Variants in PTPRD observed in about 807,000 individuals in gnomAD.
The protein encoded by PTPRD is protein tyrosine phosphatase receptor type D, also known as receptor-type tyrosine-protein phosphatase delta.
In PTPRD, 34 loss-of-function variants were observed where a neutral mutation model predicts 214.5. The ratio of observed to expected loss-of-function variants is 0.16; its 90% CI spans 0.12 to 0.21. The LOEUF is 0.21. Among genes scored for constraint, PTPRD ranks in the 10% least tolerant of loss-of-function variants. The pLI is 1.00. For missense variants in PTPRD, 2,545 were observed against 2,398.7 expected (o/e 1.06, Z -1.27); for synonymous variants, 1,128 against 845.7 (o/e 1.33, Z -5.79).
At chr9:9,713,611 G>A (rs1397870290) in intron 7 of PTPRD, among the ~76,000 whole-genome samples, 1 of 152,146 alleles carries the variant, frequency 6.6e-6, no homozygotes, top group Non-Finnish European at 1.5e-5. Context: ...GCAAAATTGA[G>A]CTGGTCCTTG....
chr9:9,687,535 A>C, intron 7 of PTPRD, among the ~76,000 whole-genome samples: 1 of 134,940 alleles, frequency 7.4e-6, no homozygotes, highest in East Asian at 2.2e-4. Flanking sequence ...GGGCAATTTC[A>C]TATTGTTAAA....
intron 5 of PTPRD, among the ~76,000 whole-genome samples, chr9:9,869,937 A>T (rs963444869): frequency 2.6e-5 from 4 of 152,058 alleles, no homozygotes; most frequent in African/African-American, 9.6e-5. Flanking sequence ...ATGGTTGCTA[A>T]TTTTGTAAAG....
chr9:9,522,375 G>T (rs662433), intron 8 of PTPRD, among the ~76,000 whole-genome samples: 2 of 151,954 alleles, frequency 1.3e-5, no homozygotes, highest in African/African-American at 2.4e-5. Context: ...AACTCTGAAA[G>T]ATTTCTAAAG....
intron 3 of PTPRD, among the ~76,000 whole-genome samples, chr9:10,062,703 A>C (rs2097796190): frequency 7.4e-6 from 1 of 135,000 alleles, no homozygotes. Flanking sequence ...TTAGGAAAGT[A>C]ATATTTTTTT....
chr9:9,902,671 C>T (rs1232844385), intron 5 of PTPRD, among the ~76,000 whole-genome samples: 2 of 152,074 alleles, frequency 1.3e-5, no homozygotes, highest in African/African-American at 2.4e-5. Context: ...TTATTGATAA[C>T]ACATTCAAAA....
intron 5 of PTPRD, among the ~76,000 whole-genome samples, chr9:9,926,418 G>C (rs780812819): frequency 6.6e-6 from 1 of 151,724 alleles, no homozygotes; most frequent in Non-Finnish European, 1.5e-5. Context: ...AGGGAATATG[G>C]AAAGAAAAAA....
chr9:8,852,291 T>G (rs1024558019), intron 11 of PTPRD, among the ~76,000 whole-genome samples: 1 of 152,216 alleles, frequency 6.6e-6, no homozygotes, highest in African/African-American at 2.4e-5. Flanking sequence ...AATTTATAAA[T>G]TTAATCAATC....
At chr9:10,278,238 T>C (rs1410455096) in intron 3 of PTPRD, among the ~76,000 whole-genome samples, 1 of 152,188 alleles carries the variant, frequency 6.6e-6, no homozygotes, top group African/African-American at 2.4e-5. Flanking sequence ...TAAAAAATAA[T>C]GTTTGAGAAA....
intron 4 of PTPRD, among the ~76,000 whole-genome samples, chr9:9,959,045 C>T (rs1004426243): frequency 1.3e-5 from 2 of 152,152 alleles, no homozygotes; most frequent in African/African-American, 4.8e-5. Flanking sequence ...CCAAAACCTT[C>T]CTGCAAAAGT....
At position 8,514,552 on chromosome 9, in the gene PTPRD, T is replaced by A. The variant is rs546030802; in HGVS notation, c.1543+3296A>T. 4.6e-4 allele frequency among the ~76,000 whole-genome samples: 69 copies of A among 150,322 alleles called. 1 individual carries two copies. Among genetic ancestry groups the A allele is most frequent in the Middle Eastern group, 6.8e-3 (2 of 292 alleles). ...TTTTTTTTTTTTTTCCATTTCTAAA[T>A]GTTTTCATGTACTTCTGCACTGGAA... On this transcript the variant is annotated intron_variant, in intron 21 of 45. Transcript: ENST00000381196.
At chr9:9,749,646 A>T (rs1274955627) in intron 6 of PTPRD, among the ~76,000 whole-genome samples, 48 of 152,196 alleles carry the variant, frequency 3.2e-4, no homozygotes, top group Admixed American at 3.1e-3. Context: ...TAAAAGAGGA[A>T]TGCCTTTTTA....
At chr9:8,697,192 T>G (rs1408393795) in intron 12 of PTPRD, among the ~76,000 whole-genome samples, 1 of 152,056 alleles carries the variant, frequency 6.6e-6, no homozygotes, top group Non-Finnish European at 1.5e-5. Context: ...TAAATCTAAT[T>G]TCTGAGGACT....
chr9:9,668,855 A>G (rs1358057594), intron 7 of PTPRD, among the ~76,000 whole-genome samples: 3 of 152,138 alleles, frequency 2.0e-5, no homozygotes, highest in Non-Finnish European at 4.4e-5. Flanking sequence ...GTATTTTGGG[A>G]AAAACTGCAC....
intron 11 of PTPRD, among the ~76,000 whole-genome samples, chr9:8,819,513 T>C (rs1246285711): frequency 1.3e-5 from 2 of 151,918 alleles, no homozygotes; most frequent in Non-Finnish European, 1.5e-5. Context: ...ATACAAAAAT[T>C]AACCAGGCGA....
At chr9:10,501,936 C>A (rs1454902505) in intron 2 of PTPRD, among the ~76,000 whole-genome samples, 1 of 151,814 alleles carries the variant, frequency 6.6e-6, no homozygotes, top group African/African-American at 2.4e-5. Flanking sequence ...ACTGATTTAC[C>A]TGGTCCATTA....
chr9:10,511,707 C>T (rs2048106161), intron 2 of PTPRD, among the ~76,000 whole-genome samples: 1 of 151,250 alleles, frequency 6.6e-6, no homozygotes, highest in South Asian at 2.1e-4. Context: ...AACCACCACA[C>T]CTGGCTACCA....
intron 5 of PTPRD, among the ~76,000 whole-genome samples, chr9:9,827,351 C>G (rs939389573): frequency 1.3e-5 from 2 of 152,002 alleles, no homozygotes; most frequent in Non-Finnish European, 2.9e-5. Context: ...GAAATAATGC[C>G]GCATATCTAC....
intron 2 of PTPRD, among the ~76,000 whole-genome samples, chr9:10,519,243 T>TCTCATTTC: frequency 9.6e-6 from 1 of 103,670 alleles, no homozygotes; most frequent in East Asian, 3.3e-4. Context: ...GAAGAACTCC[T>TCTCATTTC]CTCATTTCCT....
intron 8 of PTPRD, among the ~76,000 whole-genome samples, chr9:9,570,453 T>A (rs2086017267): frequency 6.6e-6 from 1 of 151,598 alleles, no homozygotes; most frequent in South Asian, 2.1e-4. Context: ...TGGTTTGTGT[T>A]TCTTAACTGG....
Sources: allele counts gnomAD v4.1 joint callset (sites outside exome capture counted in the v4.1 genomes callset), GRCh38; gene constraint gnomAD v4.1.1; transcripts MANE v1.5; gene names NCBI Gene and HGNC (gene_info 2026-07-23, HGNC 2026-07-21).